Variants in ALDH7A1 observed in about 807,000 individuals in gnomAD.
ALDH7A1 encodes the protein aldehyde dehydrogenase 7 family member A1.
In ALDH7A1, 63 loss-of-function variants were observed where a neutral mutation model predicts 79.9. The observed-to-expected ratio is 0.79, with a 90% CI of 0.64 to 0.97. The LOEUF (loss-of-function observed/expected upper bound fraction) is 0.97. Among genes scored for constraint, ALDH7A1 ranks in the 50% least tolerant of loss-of-function variants. ALDH7A1 has a pLI of 0.00. For synonymous variants in ALDH7A1, 240 were observed against 231.2 expected (o/e 1.04, Z -0.34); for missense variants, 627 against 665.2 (o/e 0.94, Z 0.63).
At chr5:126,546,753 G>A (rs1371943058) in intron 16 of ALDH7A1, among the ~76,000 whole-genome samples, 9 of 151,854 alleles carry the variant, frequency 5.9e-5, no homozygotes, top group Non-Finnish European at 1.3e-4. Context: ...TTTTGAGCAG[G>A]GCACAAGAAT....
At chr5:126,545,267 T>TTTTG (rs1435798043) in intron 17 of ALDH7A1, among the ~76,000 whole-genome samples, 2 of 151,874 alleles carry the variant, frequency 1.3e-5, no homozygotes, top group African/African-American at 2.4e-5. Flanking sequence ...TGGTGGTGGT[T>TTTTG]TTTGTTTGTT....
intron 8 of ALDH7A1, chr5:126,568,750 G>A (rs762523968): frequency 5.4e-5 from 14 of 261,632 alleles, no homozygotes; most frequent in Non-Finnish European, 9.9e-5. Flanking sequence ...TAGGCAACAC[G>A]ATGAAACCCC....
chr5:126,574,088 C>G (rs1750879992), intron 7 of ALDH7A1, among the ~76,000 whole-genome samples: 1 of 150,866 alleles, frequency 6.6e-6, no homozygotes, highest in African/African-American at 2.5e-5. Context: ...CACCACTTTC[C>G]AATTCCTAAA....
intron 5 of ALDH7A1, 46 bp downstream of exon 5, chr5:126,582,805 T>G: frequency 6.2e-7 from 1 of 1,609,184 alleles, no homozygotes; most frequent in Non-Finnish European, 8.5e-7. Flanking sequence ...TTTGGAGCTC[T>G]GTATATCAGA....
chr5:126,544,029 C>A lies in ALDH7A1; in HGVS notation c.*936G>T, dbSNP rs947557725. 3.5e-5 allele frequency: 5 copies of A among 144,128 alleles called. No homozygotes were observed. Among genetic ancestry groups the A allele is most frequent in the Admixed American group, 1.5e-4 (2 of 13,772 alleles). The allele number at this position is 144,128 out of a possible 1,614,324, so 8.9% of individuals were successfully genotyped here. On this transcript the variant is annotated 3_prime_UTR_variant, in exon 18 of 18. Coordinates refer to ENST00000409134, the MANE Select transcript of ALDH7A1 (RefSeq NM_001182.5). ...TGCCCAGGCAGTGGCACAATCTAGGCTCACTGCAACCTCTGCCTCCTGGGT... is the reference window on the plus strand; with the variant it reads ...TGCCCAGGCAGTGGCACAATCTAGGATCACTGCAACCTCTGCCTCCTGGGT...
At chr5:126,579,979 C>T (rs968250932) in intron 5 of ALDH7A1, 13 of 164,722 alleles carry the variant, frequency 7.9e-5, no homozygotes, top group African/African-American at 2.8e-4. Flanking sequence ...AATGTGCAAG[C>T]AATTGAGAAA....
At chr5:126,592,634 C>T (rs201525550) in intron 3 of ALDH7A1, 30 bp downstream of exon 3, 510 of 1,606,884 alleles carry the variant, frequency 3.2e-4, no homozygotes, top group Non-Finnish European at 4.1e-4. Flanking sequence ...GTGATCTTTT[C>T]TGAATTCTAG....
In ALDH7A1 at chr5:126,595,212, C is replaced by T. The variant is rs1412733355; in HGVS notation, c.-14G>A. The T allele has an allele frequency of 1.9e-6, 3 of 1,551,664 alleles. No homozygotes were observed. The highest frequency in any genetic ancestry group is 2.4e-5 in the East Asian group (1 of 40,934). On this transcript the variant is annotated 5_prime_UTR_variant, in exon 1 of 18. Transcript: ENST00000409134. ...AAGGCGCCACATACTGAGCCCGGGA[C>T]TCGGGATGAGCCCAAGGCCCTGAGA...
intron 5 of ALDH7A1, among the ~76,000 whole-genome samples, chr5:126,577,659 C>T (rs1032751969): frequency 3.9e-5 from 6 of 152,080 alleles, no homozygotes; most frequent in African/African-American, 9.7e-5. Context: ...CTGCACCTCC[C>T]GAGTTCAAGC....
At chr5:126,548,246 T>C (rs1749858090) in intron 16 of ALDH7A1, among the ~76,000 whole-genome samples, 1 of 152,144 alleles carries the variant, frequency 6.6e-6, no homozygotes, top group Non-Finnish European at 1.5e-5. Flanking sequence ...AACTCTTGGC[T>C]TAAGCGAGCC....
intron 13 of ALDH7A1, chr5:126,553,211 C>T (rs1337641751): frequency 6.6e-6 from 1 of 152,176 alleles, no homozygotes; most frequent in African/African-American, 2.4e-5. Context: ...GGACCCAATT[C>T]AAAAGCAACC....
chr5:126,579,207 A>G (rs184603974), intron 5 of ALDH7A1, among the ~76,000 whole-genome samples: 1 of 152,342 alleles, frequency 6.6e-6, no homozygotes, highest in East Asian at 1.9e-4. Flanking sequence ...GCTGTGCTGA[A>G]GCAATGCAAT....
chr5:126,571,126 C>T, intron 7 of ALDH7A1: 1 of 327,538 alleles, frequency 3.1e-6, no homozygotes. Flanking sequence ...ATTGAAAATG[C>T]CGTTTTCAAA....
intron 5 of ALDH7A1, among the ~76,000 whole-genome samples, chr5:126,579,110 T>C (rs1751082914): frequency 6.6e-6 from 1 of 152,222 alleles, no homozygotes; most frequent in East Asian, 1.9e-4. Flanking sequence ...GTAGCTATTC[T>C]CAGAATAAAG....
At position 126,561,067 on chromosome 5, in the gene ALDH7A1, A is replaced by G; in HGVS notation, c.913+16T>C. The G allele has an allele frequency of 1.2e-6, 2 of 1,613,344 alleles. No homozygotes were observed. Among genetic ancestry groups the G allele is most frequent in the Non-Finnish European group, 1.7e-6 (2 of 1,179,586 alleles). On this transcript the variant is annotated intron_variant, in intron 10 of 17. Coordinates refer to ENST00000409134, the MANE Select transcript of ALDH7A1 (RefSeq NM_001182.5). ...AACTGAACAGAAAACAAACAAAAAC[A>G]AAGAGGCAGCCTTACCAATAATGGC...
intron 13 of ALDH7A1, 26 bp from the exon 14 acceptor site, chr5:126,552,163 G>A: frequency 6.3e-7 from 1 of 1,585,786 alleles, no homozygotes; most frequent in Non-Finnish European, 8.7e-7. Context: ...GAAATAAAAA[G>A]AATGAAAGCA....
intron 8 of ALDH7A1, chr5:126,569,222 C>A (rs140713053): frequency 6.6e-6 from 1 of 152,292 alleles, no homozygotes; most frequent in East Asian, 1.9e-4. Context: ...CTAACTAATG[C>A]CTTATGATCT....
intron 13 of ALDH7A1, among the ~76,000 whole-genome samples, chr5:126,552,477 C>G (rs545883153): frequency 1.3e-5 from 2 of 152,158 alleles, no homozygotes; most frequent in Non-Finnish European, 2.9e-5. Flanking sequence ...ACTGCAACCT[C>G]CGTCTCCCGG....
At chr5:126,549,869 G>A in intron 16 of ALDH7A1, 60 bp downstream of exon 16, 1 of 1,485,452 alleles carries the variant, frequency 6.7e-7, no homozygotes, top group African/African-American at 1.4e-5. Flanking sequence ...TTTTCTAAAA[G>A]CTACTACTGG....
Sources: allele counts gnomAD v4.1 joint callset (sites outside exome capture counted in the v4.1 genomes callset), GRCh38; gene constraint gnomAD v4.1.1; transcripts MANE v1.5; gene names NCBI Gene and HGNC (gene_info 2026-07-23, HGNC 2026-07-21).